The following RYR2 variants were observed in gnomAD, a reference collection of about 807,000 sequenced individuals.
RYR2 encodes ryanodine receptor 2, also known as cardiac muscle ryanodine receptor-calcium release channel.
RYR2 carries 227 observed loss-of-function variants against 601.1 expected under a neutral mutation model. The ratio of observed to expected loss-of-function variants is 0.38; its 90% CI spans 0.34 to 0.42. The LOEUF is 0.42. RYR2 is among the 10% of genes least tolerant of loss of function. The probability of loss-of-function intolerance (pLI) is 1.00; values close to 1 mark genes in which losing one functional copy is unlikely to be tolerated. For missense variants in RYR2, 4,646 were observed against 6,156.5 expected (o/e 0.75, Z 8.21); for synonymous variants, 2,223 against 2,175.1 (o/e 1.02, Z -0.61).
chr1:237,776,960 AGATGG>A (rs1341059131), intron 87 of RYR2, among the ~76,000 whole-genome samples: 1 of 152,192 alleles, frequency 6.6e-6, no homozygotes, highest in African/African-American at 2.4e-5. Flanking sequence ...GACTGATTTC[AGATGG>A]GGCAGAATGG....
intron 38 of RYR2, among the ~76,000 whole-genome samples, chr1:237,619,513 A>G (rs1275886134): frequency 2.0e-5 from 3 of 152,206 alleles, no homozygotes; most frequent in Admixed American, 6.5e-5. Flanking sequence ...AAGATCTAAC[A>G]TTTGTGATGT....
chr1:237,063,780 A>G (rs916180118), intron 1 of RYR2, among the ~76,000 whole-genome samples: 1 of 152,182 alleles, frequency 6.6e-6, no homozygotes, highest in African/African-American at 2.4e-5. Context: ...GATTTATTTT[A>G]TGATGGGTTT....
intron 10 of RYR2, among the ~76,000 whole-genome samples, chr1:237,393,679 T>G (rs1702577046): frequency 6.6e-6 from 1 of 152,212 alleles, no homozygotes; most frequent in African/African-American, 2.4e-5. Flanking sequence ...GTTAGATGAG[T>G]TAGCTAAACA....
chr1:237,270,383 C>A, intron 1 of RYR2, 114 bp from the exon 2 acceptor site: 4 of 1,414,140 alleles, frequency 2.8e-6, no homozygotes, highest in African/African-American at 1.4e-5. Context: ...GTAGTTTTTA[C>A]ATTCGGCACA....
intron 1 of RYR2, among the ~76,000 whole-genome samples, chr1:237,087,058 T>A (rs1318749469): frequency 6.6e-6 from 1 of 152,100 alleles, no homozygotes; most frequent in Non-Finnish European, 1.5e-5. Flanking sequence ...GAGAAAGCAA[T>A]TCTCAGCACG....
At chr1:237,736,390 G>A (rs1691147153) in intron 79 of RYR2, among the ~76,000 whole-genome samples, 1 of 151,726 alleles carries the variant, frequency 6.6e-6, no homozygotes, top group Non-Finnish European at 1.5e-5. Context: ...GAATCTGGGA[G>A]GCGGAAAGTT....
intron 25 of RYR2, among the ~76,000 whole-genome samples, chr1:237,542,742 G>C (rs913287332): frequency 6.6e-6 from 1 of 152,176 alleles, no homozygotes; most frequent in African/African-American, 2.4e-5. Context: ...TTGGTGGAGG[G>C]AGAAGGAAGG....
intron 80 of RYR2, among the ~76,000 whole-genome samples, chr1:237,745,205 T>C (rs1691970999): frequency 6.6e-6 from 1 of 152,188 alleles, no homozygotes; most frequent in South Asian, 2.1e-4. Flanking sequence ...TACTATCAGA[T>C]GCAGCTCTGA....
At position 237,166,979 on chromosome 1, in the gene RYR2, C is replaced by T. The variant is rs184034166; in HGVS notation, c.49-103518C>T. 7.9e-5 allele frequency among the ~76,000 whole-genome samples: 12 copies of T among 152,290 alleles called. No homozygotes were observed. In the East Asian group the frequency reaches 2.1e-3, roughly 27 times the overall value. ...TTGGGTTTGAATGAAAATATGCTGACAAATAATGAAGCAACAAATAAACAA... is the reference window on the plus strand; with the variant it reads ...TTGGGTTTGAATGAAAATATGCTGATAAATAATGAAGCAACAAATAAACAA... On this transcript the variant is annotated intron_variant, in intron 1 of 104. Transcript: ENST00000366574.
chr1:237,615,443 C>T (rs1249163109), intron 37 of RYR2, among the ~76,000 whole-genome samples: 4 of 152,256 alleles, frequency 2.6e-5, no homozygotes, highest in South Asian at 2.1e-4. Flanking sequence ...CCTCACTCCT[C>T]ATGCTCCCAA....
intron 63 of RYR2, 119 bp from the exon 64 acceptor site, chr1:237,698,846 A>T (rs560145630): frequency 1.8e-6 from 1 of 569,120 alleles, no homozygotes; most frequent in Admixed American, 3.3e-5. Context: ...TTATTAAAAA[A>T]CCTTTTAAAA....
chr1:237,156,966 G>GA (rs1269245373), intron 1 of RYR2, among the ~76,000 whole-genome samples: 1 of 152,294 alleles, frequency 6.6e-6, no homozygotes, highest in South Asian at 2.1e-4. Flanking sequence ...CCACTGTGGA[G>GA]AACAGCATGG....
intron 10 of RYR2, among the ~76,000 whole-genome samples, chr1:237,400,989 G>A (rs1280301440): frequency 1.3e-5 from 2 of 152,106 alleles, no homozygotes; most frequent in Admixed American, 6.6e-5. Context: ...TCAAAGAACT[G>A]TATCCCTAAA....
intron 4 of RYR2, among the ~76,000 whole-genome samples, chr1:237,358,724 A>G (rs966018992): frequency 1.3e-5 from 2 of 151,794 alleles, no homozygotes; most frequent in Non-Finnish European, 2.9e-5. Context: ...GCAGCCCTGT[A>G]GGACTACACC....
chr1:237,463,908 T>C (rs1038834012), intron 16 of RYR2, among the ~76,000 whole-genome samples: 2 of 152,164 alleles, frequency 1.3e-5, no homozygotes, highest in Non-Finnish European at 2.9e-5. Flanking sequence ...TTAACTTTAT[T>C]GTACTATTTG....
rs202176504 is a variant in RYR2 at position 237,566,582 on chromosome 1, T to G, written c.3230T>G (p.Val1077Gly). Residue 1077 changes from valine (V) to glycine (G), a missense_variant, in exon 28 of 105, where the codon GTG becomes GGG. By Grantham distance (109) the Val-to-Gly change is moderately radical. Coordinates refer to ENST00000366574, the MANE Select transcript of RYR2 (RefSeq NM_001035.3). ...PDQDHAARAEVCSGTGERFRI... is the reference protein window; with the variant it reads ...PDQDHAARAEGCSGTGERFRI... ...CATTTCCCAGCAGCCAGAGCCGAAG[T>G]GTGCAGCGGCACCGGGGAAAGGTTC... 9.9e-6 allele frequency: 16 copies of G among 1,613,696 alleles called. No individual in the cohort carries two copies. The highest frequency in any genetic ancestry group is 1.3e-5 in the African/African-American group (1 of 74,922).
chr1:237,640,280 C>T (rs990234483), intron 46 of RYR2, among the ~76,000 whole-genome samples: 1 of 152,158 alleles, frequency 6.6e-6, no homozygotes, highest in African/African-American at 2.4e-5. Flanking sequence ...GGATGTGAGC[C>T]TCTAGGGCCA....
intron 1 of RYR2, among the ~76,000 whole-genome samples, chr1:237,152,151 A>G (rs1304326043): frequency 2.6e-5 from 4 of 152,162 alleles, no homozygotes; most frequent in Admixed American, 1.3e-4. Context: ...GATGGTTTCC[A>G]GCTTCATCCA....
chr1:237,626,623 G>T (rs1344826366), intron 40 of RYR2, among the ~76,000 whole-genome samples: 2 of 101,892 alleles, frequency 2.0e-5, no homozygotes, highest in African/African-American at 7.7e-5. Context: ...AGACAGTCTC[G>T]CTCCATCACC....
Sources: allele counts gnomAD v4.1 joint callset (sites outside exome capture counted in the v4.1 genomes callset), GRCh38; gene constraint gnomAD v4.1.1; transcripts MANE v1.5; gene names NCBI Gene and HGNC (gene_info 2026-07-23, HGNC 2026-07-21).